The following CAMTA1 variants were observed in gnomAD, a reference collection of about 807,000 sequenced individuals.
CAMTA1 encodes calmodulin binding transcription activator 1.
CAMTA1 carries 27 observed loss-of-function variants against 170.9 expected under a neutral mutation model. That is an observed-to-expected ratio of 0.16 (90% CI 0.12 to 0.22). The LOEUF (loss-of-function observed/expected upper bound fraction) is 0.22, where lower values mean the gene tolerates loss of function less well. Among genes scored for constraint, CAMTA1 ranks in the 10% least tolerant of loss-of-function variants. The pLI, the probability that CAMTA1 is intolerant of heterozygous loss-of-function variation, is 1.00. For synonymous variants in CAMTA1, 833 were observed against 891.5 expected (o/e 0.93, Z 1.17); for missense variants, 1,619 against 2,217.2 (o/e 0.73, Z 5.42).
intron 3 of CAMTA1, among the ~76,000 whole-genome samples, chr1:6,932,903 A>G (rs1176961694): frequency 2.0e-5 from 3 of 152,156 alleles, no homozygotes; most frequent in African/African-American, 4.8e-5. Context: ...TTTATCAGAT[A>G]TATGCTTTGC....
At chr1:7,026,448 G>T (rs1174766632) in intron 3 of CAMTA1, among the ~76,000 whole-genome samples, 1 of 152,154 alleles carries the variant, frequency 6.6e-6, no homozygotes, top group Non-Finnish European at 1.5e-5. Flanking sequence ...AGGAGAGCAG[G>T]TCTGGATTTC....
chr1:6,896,461 G>T (rs1193196771), intron 3 of CAMTA1, among the ~76,000 whole-genome samples: 1 of 152,156 alleles, frequency 6.6e-6, no homozygotes, highest in African/African-American at 2.4e-5. Flanking sequence ...TGGCGTGTCT[G>T]GCCGGGATGC....
intron 3 of CAMTA1, among the ~76,000 whole-genome samples, chr1:6,926,461 TTTC>T (rs1323188611): frequency 7.3e-6 from 1 of 136,752 alleles, no homozygotes; most frequent in Non-Finnish European, 1.5e-5. Flanking sequence ...TCTTTCTTTC[TTTC>T]TTTCTTTCTT....
At chr1:7,419,631 A>C (rs1205066785) in intron 5 of CAMTA1, among the ~76,000 whole-genome samples, 2 of 152,114 alleles carry the variant, frequency 1.3e-5, no homozygotes, top group Non-Finnish European at 2.9e-5. Context: ...TCTGCCCCTG[A>C]AGTCTAGACT....
Position 7,748,045 on chromosome 1 carries a change from T to C in CAMTA1, c.4689+264T>C, listed in dbSNP as rs1010775802. 1.8e-4 allele frequency among the ~76,000 whole-genome samples: 28 copies of C among 152,004 alleles called. No homozygotes were observed. Among genetic ancestry groups the C allele is most frequent in the African/African-American group, 6.8e-4 (28 of 41,402 alleles). On this transcript the variant is annotated intron_variant, in intron 19 of 22. Transcript: ENST00000303635. This position sits in a 1 kb window ranked among gnomAD's most constrained non-coding sequence, Gnocchi z 4.7. ...CTCCTGCCTCAGCCTCCCGAGTAGC[T>C]GGGACTACAGGCGTGTGCTACCATG...
At chr1:7,726,567 G>A (rs995386540) in intron 11 of CAMTA1, among the ~76,000 whole-genome samples, 22 of 152,162 alleles carry the variant, frequency 1.4e-4, no homozygotes, top group Admixed American at 1.4e-3. Flanking sequence ...TGGGTAAAAT[G>A]CTTAGGATGG....
intron 6 of CAMTA1, among the ~76,000 whole-genome samples, chr1:7,525,823 C>G (rs1575801396): frequency 1.3e-5 from 2 of 152,220 alleles, no homozygotes; most frequent in Admixed American, 1.3e-4. Context: ...CCGCATGTCA[C>G]TTAGCGCCCA....
At chr1:7,242,490 T>G (rs942659596) in intron 4 of CAMTA1, among the ~76,000 whole-genome samples, 18 of 152,202 alleles carry the variant, frequency 1.2e-4, no homozygotes, top group Non-Finnish European at 1.6e-4. Flanking sequence ...TTCACCTGTA[T>G]TTTCTTGTAG....
chr1:7,361,265 A>C (rs546331698), intron 5 of CAMTA1, among the ~76,000 whole-genome samples: 1 of 152,180 alleles, frequency 6.6e-6, no homozygotes, highest in Non-Finnish European at 1.5e-5. Context: ...TGCTCAACAG[A>C]TATCTGCTGA....
In CAMTA1 at chr1:7,144,776, G is replaced by C. The variant is rs1004893219; in HGVS notation, c.302+53405G>C. On this transcript the variant is annotated intron_variant, in intron 4 of 22. Coordinates refer to ENST00000303635, the MANE Select transcript of CAMTA1 (RefSeq NM_015215.4). The surrounding 1 kb of genome is among the most constrained non-coding windows in gnomAD (Gnocchi z 4.0). ...TTGATTGACGTCATTTTGGCTAATG[G>C]GTCTTCTCCAAAGAGTACTTTATTG... 1.3e-5 allele frequency among the ~76,000 whole-genome samples: 2 copies of C among 152,120 alleles called. No homozygotes were observed. Among genetic ancestry groups the C allele is most frequent in the African/African-American group, 4.8e-5 (2 of 41,404 alleles).
At chr1:7,071,931 C>T (rs1638700378) in intron 3 of CAMTA1, among the ~76,000 whole-genome samples, 1 of 152,238 alleles carries the variant, frequency 6.6e-6, no homozygotes, top group Non-Finnish European at 1.5e-5. Flanking sequence ...GTTGGCTCTG[C>T]TGGTAGGATC....
intron 6 of CAMTA1, among the ~76,000 whole-genome samples, chr1:7,507,265 A>G (rs11120957): frequency 0.041 from 6,206 of 152,056 alleles, 391 homozygotes; most frequent in African/African-American, 0.14. Context: ...GCACACTCGC[A>G]CACACCCTGC....
intron 3 of CAMTA1, among the ~76,000 whole-genome samples, chr1:6,972,340 CGTTAA>C (rs1557906669): frequency 6.6e-6 from 1 of 152,128 alleles, no homozygotes; most frequent in East Asian, 1.9e-4. Context: ...GAAAAACCTC[CGTTAA>C]GACATTTACT....
chr1:7,266,424 C>CCTTTATCATTTATAACCTCAACA (rs1668944000), intron 5 of CAMTA1, among the ~76,000 whole-genome samples: 2 of 152,246 alleles, frequency 1.3e-5, no homozygotes, highest in Admixed American at 6.5e-5. Flanking sequence ...GGATGTCTGC[C>CCTTTATCATTTATAACCTCAACA]ATTTATCAGT....
intron 3 of CAMTA1, among the ~76,000 whole-genome samples, chr1:6,984,776 GCTC>G (rs1695081805): frequency 6.6e-6 from 1 of 152,212 alleles, no homozygotes; most frequent in South Asian, 2.1e-4. Context: ...GCTGGGTTCT[GCTC>G]CTCAGTCCAT....
intron 3 of CAMTA1, among the ~76,000 whole-genome samples, chr1:6,838,427 T>A (rs2148665252): frequency 6.6e-6 from 1 of 152,208 alleles, no homozygotes; most frequent in Admixed American, 6.5e-5. Context: ...AGCCAGCATG[T>A]CCCCTGTGAA....
At chr1:7,699,898 T>TA (rs1215516236) in intron 11 of CAMTA1, among the ~76,000 whole-genome samples, 3 of 152,238 alleles carry the variant, frequency 2.0e-5, no homozygotes, top group Non-Finnish European at 4.4e-5. Context: ...TTTTGAGCTG[T>TA]AAGAGTTCTC....
chr1:7,758,973 G>GTTAA (rs2096954762), intron 22 of CAMTA1, among the ~76,000 whole-genome samples: 1 of 146,320 alleles, frequency 6.8e-6, no homozygotes, highest in Non-Finnish European at 1.5e-5. Flanking sequence ...TACTTATTTT[G>GTTAA]TTAATTTGTA....
chr1:6,926,997 C>G (rs1188103107), intron 3 of CAMTA1, among the ~76,000 whole-genome samples: 1 of 152,040 alleles, frequency 6.6e-6, no homozygotes, highest in African/African-American at 2.4e-5. Context: ...TCCCAAAGTG[C>G]TAGGTCTCCC....
Sources: allele counts gnomAD v4.1 joint callset (sites outside exome capture counted in the v4.1 genomes callset), GRCh38; gene constraint gnomAD v4.1.1; non-coding constraint Gnocchi (gnomAD v3.1); transcripts MANE v1.5; gene names NCBI Gene and HGNC (gene_info 2026-07-23, HGNC 2026-07-21).